Variants in ZBTB32 observed in about 807,000 individuals in gnomAD.
ZBTB32 encodes the protein zinc finger and BTB domain containing 32.
Under a neutral mutation model 45.3 loss-of-function variants are expected in ZBTB32, and 28 were observed. The observed-to-expected ratio is 0.62, with a 90% CI of 0.46 to 0.85. The LOEUF is 0.85. Among genes scored for constraint, ZBTB32 ranks in the 40% least tolerant of loss-of-function variants. ZBTB32 has a pLI of 0.00. For missense variants in ZBTB32, 587 were observed against 624.4 expected, an observed-to-expected ratio of 0.94 and a Z score of 0.64; for synonymous variants, 283 against 255.7, an observed-to-expected ratio of 1.11 and a Z score of -1.02.
Position 35,714,621 on chromosome 19 carries a change from G to C in ZBTB32, c.-6G>C. 1.3e-6 allele frequency: 2 copies of C among 1,515,576 alleles called. No individual in the cohort carries two copies. Among genetic ancestry groups the C allele is most frequent in the Non-Finnish European group, 1.8e-6 (2 of 1,127,260 alleles). 93.9% of individuals were successfully genotyped at this position (1,515,576 alleles called of 1,614,324 possible). A position where few individuals can be genotyped will look rare whatever the true frequency, so the allele number is the denominator to read the frequency against. On this transcript the variant is annotated 5_prime_UTR_variant, in exon 3 of 7. Transcript: ENST00000392197. ...CCTCTGAGTTAGGTACCCAAGCCAA[G>C]GCACAATGTCCCTGCCCCCCATAAG...
intron 1 of ZBTB32, among the ~76,000 whole-genome samples, chr19:35,708,881 C>T (rs182841390): frequency 2.0e-5 from 3 of 151,170 alleles, no homozygotes; most frequent in Non-Finnish European, 2.9e-5. Context: ...TGCAATGGCG[C>T]GATCTCGGCT....
chr19:35,716,229 C>A lies in ZBTB32; in HGVS notation c.1121C>A (p.Ala374Glu), dbSNP rs1241580399. ...CCTCCTGCTCGGTCTCGGCCCTATGCGTGCTCTGTCTGTGGAAAGAGGTTT... is the reference window on the plus strand; with the variant it reads ...CCTCCTGCTCGGTCTCGGCCCTATGAGTGCTCTGTCTGTGGAAAGAGGTTT... Reference protein sequence around the residue: ...PAPPARSRPYACSVCGKRFSL... With the variant: ...PAPPARSRPYECSVCGKRFSL... The change falls in exon 6 of 7, where the codon GCG becomes GAG. Residue 374 changes from alanine (A) to glutamate (E), a missense_variant. Ala to Glu is a moderately radical substitution (Grantham distance 107). Coordinates refer to ENST00000392197, the MANE Select transcript of ZBTB32 (RefSeq NM_014383.3). The A allele has an allele frequency of 1.2e-6, 2 of 1,613,960 alleles. No homozygotes were observed. The highest frequency in any genetic ancestry group is 1.7e-5 in the Admixed American group (1 of 60,002).
chr19:35,715,664 C>A, intron 3 of ZBTB32, 93 bp from the exon 4 acceptor site: 1 of 1,487,844 alleles, frequency 6.7e-7, no homozygotes, highest in Admixed American at 2.1e-5. Flanking sequence ...CAAAGCCCAG[C>A]CCCCGGGGGA....
chr19:35,714,517 C>A lies in ZBTB32; in HGVS notation c.-104-6C>A. 1 of 1,263,032 alleles carries A rather than the reference C, an allele frequency of 7.9e-7. No individual in the cohort carries two copies. Among genetic ancestry groups the A allele is most frequent in the South Asian group, 2.0e-5 (1 of 51,002 alleles). The allele number at this position is 1,263,032 out of a possible 1,614,324, so 78.2% of individuals were successfully genotyped here. ...CAACTCACACCCTCTCCCCTCACATCCACAGGCTTGAAATGAGATGAGATG... is the reference window on the plus strand; with the variant it reads ...CAACTCACACCCTCTCCCCTCACATACACAGGCTTGAAATGAGATGAGATG... On this transcript the variant is annotated splice_region_variant and splice_polypyrimidine_tract_variant and intron_variant, in intron 2 of 6. Coordinates refer to ENST00000392197, the MANE Select transcript of ZBTB32 (RefSeq NM_014383.3).
At position 35,716,525 on chromosome 19, in the gene ZBTB32, T is replaced by C; in HGVS notation, c.1237T>C (p.Phe413Leu). The C allele has an allele frequency of 6.2e-7, 1 of 1,611,872 alleles. No homozygotes were observed. The highest frequency in any genetic ancestry group is 1.1e-5 in the South Asian group (1 of 90,986). ...CCTTTGTCCTCAGCGCTCCCGGGAC[T>C]TCTCGGCCATGACCAAGCACCTGCG... is the stretch of plus-strand genomic sequence containing the variant. ...CSLCPQRSRD[F>L]SAMTKHLRTH... The change falls in exon 7 of 7, where the codon TTC (phenylalanine) becomes CTC (leucine). Residue 413 changes from phenylalanine (F) to leucine (L), a missense_variant. Phe to Leu is a conservative substitution (Grantham distance 22). Coordinates refer to ENST00000392197, the MANE Select transcript of ZBTB32 (RefSeq NM_014383.3).
rs1206714561 is a variant in ZBTB32, at chr19:35,714,752, C to G, written c.126C>G (p.Ala42=). ...CCGTAGGGAGCCAGGAGTTCCCCGC[C>G]CACAGCCTGGTGCTAGCAGGTGTCA... ...LITVGSQEFP[A]HSLVLAGVSQ... Residue 42 remains alanine, a synonymous_variant, in exon 3 of 7, where the codon GCC becomes GCG. Transcript: ENST00000392197. The G allele has an allele frequency of 1.2e-6, 2 of 1,614,166 alleles. No individual in the cohort carries two copies. Among genetic ancestry groups the G allele is most frequent in the South Asian group, 2.2e-5 (2 of 91,090 alleles).
At chr19:35,709,191 G>A (rs1968624151) in intron 1 of ZBTB32, among the ~76,000 whole-genome samples, 1 of 152,156 alleles carries the variant, frequency 6.6e-6, no homozygotes, top group African/African-American at 2.4e-5. Flanking sequence ...ATGCTGTGGG[G>A]AATTTAACCA....
At chr19:35,705,833 C>T (rs977633161) in intron 1 of ZBTB32, among the ~76,000 whole-genome samples, 1 of 151,270 alleles carries the variant, frequency 6.6e-6, no homozygotes, top group African/African-American at 2.4e-5. Flanking sequence ...ATCCCTTGAA[C>T]CCACGAGGCG....
At chr19:35,708,375 T>C (rs539563155) in intron 1 of ZBTB32, among the ~76,000 whole-genome samples, 1 of 152,258 alleles carries the variant, frequency 6.6e-6, no homozygotes, top group East Asian at 1.9e-4. Context: ...CAGTTCCGGG[T>C]AGGCACTTTC....
chr19:35,715,729 G>A lies in ZBTB32; in HGVS notation c.882-28G>A, dbSNP rs559256196. ...GGCCAGGCTCCCAGGTTTAGCCAAG[G>A]CTGTAACTCTTCCCCACCCCATCCC... On this transcript the variant is annotated intron_variant, in intron 3 of 6. Coordinates refer to ENST00000392197, the MANE Select transcript of ZBTB32 (RefSeq NM_014383.3). The A allele has an allele frequency of 2.1e-5, 34 of 1,584,954 alleles. 1 individual carries two copies. The South Asian group carries it at 3.6e-4, about 17-fold the overall frequency.
intron 1 of ZBTB32, among the ~76,000 whole-genome samples, chr19:35,711,898 G>A (rs1266559897): frequency 1.3e-5 from 2 of 151,968 alleles, no homozygotes; most frequent in African/African-American, 4.8e-5. Context: ...GGTGGCGGGC[G>A]CCTGTAATCC....
intron 1 of ZBTB32, among the ~76,000 whole-genome samples, chr19:35,707,845 C>T (rs1163526203): frequency 6.6e-6 from 1 of 151,868 alleles, no homozygotes; most frequent in Non-Finnish European, 1.5e-5. Flanking sequence ...AGCCGGGTGT[C>T]GTGGTGCGTG....
chr19:35,715,206 A>G lies in ZBTB32; in HGVS notation c.580A>G (p.Lys194Glu), dbSNP rs764719245. 4.4e-6 allele frequency: 7 copies of G among 1,608,574 alleles called. No homozygotes were observed. The Admixed American group carries it at 8.5e-5, about 20-fold the overall frequency. Residue 194 changes from lysine to glutamate, a missense_variant, in exon 3 of 7, where the codon AAA (lysine) becomes GAA (glutamate). Coordinates refer to ENST00000392197, the MANE Select transcript of ZBTB32 (RefSeq NM_014383.3). ...AQQEQTRSKEKRLQAPVGQRG... is the reference protein window; with the variant it reads ...AQQEQTRSKEERLQAPVGQRG... ...GCAGGAACAGACCAGGTCAAAGGAG[A>G]AACGCCTCCAAGCCCCTGTTGGCCA...
chr19:35,715,423 T>G lies in ZBTB32; in HGVS notation c.797T>G (p.Leu266Arg). ...VGGQPALWSI[L>R]LMPPRYGIPF... ...GGCCAGCCTGCCCTGTGGAGCATCC[T>G]GCTGATGCCGCCCAGATATGGCATT... is the stretch of plus-strand genomic sequence containing the variant. Residue 266 changes from leucine (L) to arginine (R), a missense_variant, in exon 3 of 7, where the codon CTG (leucine) becomes CGG (arginine). Coordinates refer to ENST00000392197, the MANE Select transcript of ZBTB32 (RefSeq NM_014383.3). The G allele has an allele frequency of 6.2e-7, 1 of 1,601,200 alleles. No homozygotes were observed. Among genetic ancestry groups the G allele is most frequent in the Non-Finnish European group, 8.5e-7 (1 of 1,175,976 alleles).
chr19:35,708,252 A>G (rs1968598439), intron 1 of ZBTB32, among the ~76,000 whole-genome samples: 1 of 152,156 alleles, frequency 6.6e-6, no homozygotes, highest in African/African-American at 2.4e-5. Context: ...GTCCACTCTC[A>G]TGAATACAGG....
At position 35,714,883 on chromosome 19, in the gene ZBTB32, A is replaced by G. The variant is rs376512419; in HGVS notation, c.257A>G (p.Gln86Arg). Residue 86 changes from glutamine to arginine, a missense_variant, in exon 3 of 7, where the codon CAG (glutamine) becomes CGG (arginine). Coordinates refer to ENST00000392197, the MANE Select transcript of ZBTB32 (RefSeq NM_014383.3). ...GTGTATGGGGAGAGTGTAGAGCTGC[A>G]GCCTGGAGAGCTAAGGCCCCTTCAG... Reference protein sequence around the residue: ...NFVYGESVELQPGELRPLQEA... With the variant: ...NFVYGESVELRPGELRPLQEA... 1.5e-5 allele frequency: 24 copies of G among 1,592,266 alleles called. No homozygotes were observed. Among genetic ancestry groups the G allele is most frequent in the Admixed American group, 3.5e-5 (2 of 57,526 alleles).
chr19:35,715,251 C>A lies in ZBTB32; in HGVS notation c.625C>A (p.His209Asn). Residue 209 changes from histidine (H) to asparagine (N), a missense_variant, in exon 3 of 7, where the codon CAT becomes AAT. Transcript: ENST00000392197. ...TGGCCAAAGGGGAGCAGATGGGAAG[C>A]ATGGAGTGCTCACGTGGTTGAGGGA... Reference protein sequence around the residue: ...PVGQRGADGKHGVLTWLRENP... With the variant: ...PVGQRGADGKNGVLTWLRENP... 1 of 1,596,316 alleles carries A rather than the reference C, an allele frequency of 6.3e-7. No homozygotes were observed.
chr19:35,715,001 G>A lies in ZBTB32; in HGVS notation c.375G>A (p.Lys125=). Residue 125 remains lysine, a synonymous_variant, in exon 3 of 7, where the codon AAG becomes AAA. Coordinates refer to ENST00000392197, the MANE Select transcript of ZBTB32 (RefSeq NM_014383.3). ...CTAAAAAGCCAGATCCAGGCCTGAA[G>A]AAACATCAGGAGGAGCCAGAGAAAC... ...DRAKKPDPGL[K]KHQEEPEKPS... The A allele has an allele frequency of 6.2e-7, 1 of 1,609,362 alleles. No homozygotes were observed. The highest frequency in any genetic ancestry group is 1.1e-5 in the South Asian group (1 of 90,882).
chr19:35,711,660 C>T (rs1968695711), intron 1 of ZBTB32, among the ~76,000 whole-genome samples: 1 of 152,028 alleles, frequency 6.6e-6, no homozygotes, highest in African/African-American at 2.4e-5. Flanking sequence ...TTCGAGGGTC[C>T]TGGAGCCAAA....
Sources: allele counts gnomAD v4.1 joint callset (sites outside exome capture counted in the v4.1 genomes callset), GRCh38; gene constraint gnomAD v4.1.1; transcripts MANE v1.5; gene names NCBI Gene and HGNC (gene_info 2026-07-23, HGNC 2026-07-21).